MARF1: variants seen among roughly 807,000 people sequenced by gnomAD.
MARF1 encodes the protein limkain-b1.
A neutral mutation model predicts 168.2 loss-of-function variants in MARF1; 24 were observed. That is an observed-to-expected ratio of 0.14 (90% CI 0.10 to 0.20). MARF1 has a LOEUF of 0.20. Among genes scored for constraint, MARF1 ranks in the 10% least tolerant of loss-of-function variants. The pLI, the probability that MARF1 is intolerant of heterozygous loss-of-function variation, is 1.00. For synonymous variants in MARF1, 868 were observed against 822.4 expected, an observed-to-expected ratio of 1.06 and a Z score of -0.95; for missense variants, 1,744 against 2,143.6, an observed-to-expected ratio of 0.81 and a Z score of 3.68.
At chr16:15,629,747 C>T (rs1221486670) in intron 7 of MARF1, among the ~76,000 whole-genome samples, 2 of 152,172 alleles carry the variant, frequency 1.3e-5, no homozygotes, top group Admixed American at 6.5e-5. Flanking sequence ...ATCAGAAATG[C>T]TAGTCCTGGA....
chr16:15,611,471 A>C, intron 18 of MARF1, 121 bp downstream of exon 18: 1 of 914,204 alleles, frequency 1.1e-6, no homozygotes, highest in South Asian at 1.9e-5. Flanking sequence ...AAAAACAAAA[A>C]ACTACTACAA....
chr16:15,613,623 C>T (rs924907256), intron 16 of MARF1, among the ~76,000 whole-genome samples: 11 of 150,000 alleles, frequency 7.3e-5, no homozygotes, highest in African/African-American at 2.7e-4. Flanking sequence ...GATTGCACCA[C>T]TGCACTCCAG....
At chr16:15,609,082 T>C (rs897597032) in intron 20 of MARF1, among the ~76,000 whole-genome samples, 3 of 151,928 alleles carry the variant, frequency 2.0e-5, no homozygotes, top group Admixed American at 6.6e-5. Flanking sequence ...CTACTAAAAA[T>C]AGAAAAATTA....
intron 25 of MARF1, among the ~76,000 whole-genome samples, chr16:15,599,723 A>G (rs903948645): frequency 1.4e-4 from 21 of 152,230 alleles, no homozygotes; most frequent in African/African-American, 4.6e-4. Context: ...AGGTGGATCT[A>G]TCTGAAATCT....
chr16:15,631,656 C>T (rs1235859616), intron 5 of MARF1, among the ~76,000 whole-genome samples, 158 bp from the exon 6 acceptor site: 2 of 152,052 alleles, frequency 1.3e-5, no homozygotes, highest in African/African-American at 4.8e-5. Flanking sequence ...ATACATGTGC[C>T]GTGGTGGTTT....
At chr16:15,641,904 G>A (rs1396872434) in intron 1 of MARF1, among the ~76,000 whole-genome samples, 1 of 152,188 alleles carries the variant, frequency 6.6e-6, no homozygotes, top group Non-Finnish European at 1.5e-5. Flanking sequence ...AGCAGGTTCT[G>A]TTTGACTTGA....
Position 15,617,339 on chromosome 16 carries a change from C to G in MARF1, c.2917G>C (p.Glu973Gln). ...GAACAATGCTGTCTGCAGACAGGCT[C>G]GTGATATTCTAACTCTTCAAATATA... is the stretch of plus-strand genomic sequence containing the variant. ...PIIFEELEYH[E>Q]PVCRQHCSNK... The change falls in exon 14 of 27, where the codon GAG (glutamate) becomes CAG (glutamine). Residue 973 changes from glutamate to glutamine, a missense_variant. Glu to Gln is a conservative substitution (Grantham distance 29). Around this residue, in one of 7 missense-constraint regions of MARF1, gnomAD observed 543 missense variants for 742.1 expected, o/e 0.73. Transcript: ENST00000396368. The G allele has an allele frequency of 1.2e-6, 2 of 1,614,062 alleles. No individual in the cohort carries two copies. The highest frequency in any genetic ancestry group is 1.7e-6 in the Non-Finnish European group (2 of 1,179,966).
chr16:15,604,594 T>C (rs1396475932), intron 21 of MARF1, among the ~76,000 whole-genome samples, 196 bp from the exon 22 acceptor site: 2 of 152,154 alleles, frequency 1.3e-5, no homozygotes, highest in African/African-American at 4.8e-5. Flanking sequence ...AAGCAGAAAC[T>C]GTCCTCCCCC....
At chr16:15,628,207 G>GT (rs1256947412) in intron 7 of MARF1, among the ~76,000 whole-genome samples, 3 of 151,924 alleles carry the variant, frequency 2.0e-5, no homozygotes, top group Non-Finnish European at 4.4e-5. Flanking sequence ...CTCTGACATA[G>GT]TTTTTTTCCA....
At position 15,599,899 on chromosome 16, in the gene MARF1, C is replaced by T. The variant is rs962472564; in HGVS notation, c.4813+529G>A. On this transcript the variant is annotated intron_variant, in intron 25 of 26. Transcript: ENST00000396368. Reference sequence around the variant, plus strand: ...CTTCCATGTCTGTTGCTGAACTTGCCGGCTCGCTCTAGAGTCTTAGCTTGA... The same window carrying T: ...CTTCCATGTCTGTTGCTGAACTTGCTGGCTCGCTCTAGAGTCTTAGCTTGA... Among the ~76,000 whole-genome samples the T allele has an allele frequency of 2.0e-5, 3 of 152,158 alleles. No homozygotes were observed. In the South Asian group the frequency reaches 6.2e-4, roughly 32 times the overall value.
At chr16:15,641,939 TCTTC>T (rs1216663689) in intron 1 of MARF1, among the ~76,000 whole-genome samples, 1 of 152,234 alleles carries the variant, frequency 6.6e-6, no homozygotes, top group Admixed American at 6.5e-5. Flanking sequence ...TCTGTCACTC[TCTTC>T]AAGTCTTTTG....
chr16:15,600,887 C>G lies in MARF1; in HGVS notation c.4627-186G>C, dbSNP rs942086620. ...AGCAACAGAAGCTGACAGAAACATA[C>G]CCCTATAAAAAGCAGAGTAGTTCAA... On this transcript the variant is annotated intron_variant, in intron 23 of 26. Transcript: ENST00000396368. 10 of 718,456 alleles carry G rather than the reference C, an allele frequency of 1.4e-5. No individual in the cohort carries two copies. The Admixed American group carries it at 2.0e-4, about 15-fold the overall frequency. 44.5% of individuals were successfully genotyped at this position (718,456 alleles called of 1,614,324 possible).
At chr16:15,598,706 G>A in intron 26 of MARF1, 148 bp downstream of exon 26, 1 of 815,916 alleles carries the variant, frequency 1.2e-6, no homozygotes, top group Non-Finnish European at 1.9e-6. Flanking sequence ...AACCCAGGTG[G>A]GGAAAGAAGG....
At chr16:15,597,323 T>C (rs141939650) in intron 26 of MARF1, among the ~76,000 whole-genome samples, 2 of 152,250 alleles carry the variant, frequency 1.3e-5, no homozygotes, top group South Asian at 4.1e-4. Context: ...CCGTGGGTGG[T>C]AGGGGGTGGG....
chr16:15,608,426 GGA>G lies in MARF1; in HGVS notation c.4045_4046del (p.Ser1349ProfsTer4), dbSNP rs1182494440. ...TCATCATAAGGCAGTTATCTTTTTG[GGA>G]CCGAAGGAGTTTAACAAACTGGGCA... Reference protein sequence around the residue: ...LAAQFVKLLRSQKDNCLMMTD... With the variant: ...LAAQFVKLLRXQKDNCLMMTD... On this transcript the variant is annotated frameshift_variant, in exon 21 of 27. Coordinates refer to ENST00000396368, the MANE Select transcript of MARF1 (RefSeq NM_014647.4). LOFTEE classifies it high-confidence loss of function. 6.2e-7 allele frequency: 1 copy of G among 1,614,006 alleles called. No individual in the cohort carries two copies. The highest frequency in any genetic ancestry group is 2.2e-5 in the East Asian group (1 of 44,874).
Position 15,612,622 on chromosome 16 carries a change from G to C in MARF1, c.3409C>G (p.Arg1137Gly), listed in dbSNP as rs199967698. 2.5e-6 allele frequency: 4 copies of C among 1,614,120 alleles called. No individual in the cohort carries two copies. The Admixed American group carries it at 6.7e-5, about 27-fold the overall frequency. The change falls in exon 17 of 27, where the codon CGA becomes GGA. Residue 1137 changes from arginine (R) to glycine (G), a missense_variant. This residue lies in a region of MARF1 where 543 missense variants were observed against 742.1 expected (regional missense o/e 0.73). Transcript: ENST00000396368. The stretch of plus-strand genomic sequence containing the variant: ...TTGGAGTATCCGTAGTCTGACACTC[G>C]GCACTGCTTTGCAAAATGATGGTGA... ...SYHHHFAKQC[R>G]VSDYGYSKLI...
In MARF1 at chr16:15,600,545, T is replaced by C. The variant is rs1225719869; in HGVS notation, c.4696A>G (p.Ser1566Gly). 2 of 1,614,170 alleles carry C rather than the reference T, an allele frequency of 1.2e-6. No individual in the cohort carries two copies. The highest frequency in any genetic ancestry group is 1.6e-4 in the Middle Eastern group (1 of 6,062). The change falls in exon 25 of 27, where the codon AGT (serine) becomes GGT (glycine). Residue 1566 changes from serine (S) to glycine (G), a missense_variant. Transcript: ENST00000396368. ...TTGGCAGGGGAGAGACTGAGTGAAC[T>C]CAAACGACCTACAGGACAAAGAGCA... ...VLKNDMKSRL[S>G]SLSLSPANHE...
intron 1 of MARF1, among the ~76,000 whole-genome samples, chr16:15,639,666 G>A (rs1482593156): frequency 1.3e-5 from 2 of 152,200 alleles, no homozygotes; most frequent in Admixed American, 6.5e-5. Context: ...CTCCCAAAGT[G>A]CTGGGATTAC....
rs540472382 is a variant in MARF1 at position 15,641,767 on chromosome 16, C to T, written c.-59+1251G>A. 1.0e-3 allele frequency among the ~76,000 whole-genome samples: 156 copies of T among 152,284 alleles called. 2 individuals carry two copies. The highest frequency in any genetic ancestry group is 1.9e-3 in the Non-Finnish European group (126 of 68,032). Reference sequence around the variant, plus strand: ...CCTGACACAAGATTAGGCTTGTTCACCCCTTTCCACTACATCAAGGTGCCT... The same window carrying T: ...CCTGACACAAGATTAGGCTTGTTCATCCCTTTCCACTACATCAAGGTGCCT... On this transcript the variant is annotated intron_variant, in intron 1 of 26. Transcript: ENST00000396368.
Sources: gnomAD v4.1 joint callset for allele counts (sites outside exome capture counted in the v4.1 genomes callset) on GRCh38, gnomAD v4.1.1 for gene constraint, gnomAD v4.1.1 regional missense constraint, MANE v1.5 for transcripts, NCBI Gene and HGNC (gene_info 2026-07-23, HGNC 2026-07-21) for gene names.